The following MAGI2 variants were observed in gnomAD, a reference collection of about 807,000 sequenced individuals.
MAGI2 encodes membrane-associated guanylate kinase, WW and PDZ domain-containing protein 2.
A neutral mutation model predicts 133.3 loss-of-function variants in MAGI2; 35 were observed. The ratio of observed to expected loss-of-function variants is 0.26; its 90% CI spans 0.20 to 0.35. The LOEUF (loss-of-function observed/expected upper bound fraction) is 0.35. Ranked by LOEUF, MAGI2 falls within the 10% of genes least tolerant of loss-of-function variation. MAGI2 has a pLI of 1.00. For synonymous variants in MAGI2, 729 were observed against 710.6 expected (o/e 1.03, Z -0.41); for missense variants, 1,636 against 1,863.4 (o/e 0.88, Z 2.25).
At position 79,453,400 on chromosome 7, in the gene MAGI2, C is replaced by G; in HGVS notation, c.-80G>C. 1 of 1,516,364 alleles carries G rather than the reference C, an allele frequency of 6.6e-7. No homozygotes were observed. Among genetic ancestry groups the G allele is most frequent in the Non-Finnish European group, 8.8e-7 (1 of 1,137,418 alleles). 93.9% of individuals were successfully genotyped at this position (1,516,364 alleles called of 1,614,324 possible). ...TGGTGAGAGAATGAGGATGGAGGAGCAAGGGGGCCCAGGGGGAAGAACAGC... is the reference window on the plus strand; with the variant it reads ...TGGTGAGAGAATGAGGATGGAGGAGGAAGGGGGCCCAGGGGGAAGAACAGC... On this transcript the variant is annotated 5_prime_UTR_variant, in exon 1 of 22. Transcript: ENST00000354212.
intron 6 of MAGI2, among the ~76,000 whole-genome samples, chr7:78,424,068 G>A (rs1233549089): frequency 6.6e-6 from 1 of 152,196 alleles, no homozygotes; most frequent in East Asian, 1.9e-4. Context: ...GCATGTCAGA[G>A]GTCTTCATGG....
chr7:79,365,020 A>T (rs1609279), intron 1 of MAGI2, among the ~76,000 whole-genome samples: 22,086 of 152,066 alleles, frequency 0.15, 1,703 homozygotes, highest in South Asian at 0.25. Context: ...GAGTAGGAAA[A>T]AAAAAACCTC....
chr7:79,390,966 T>C (rs963681653), intron 1 of MAGI2, among the ~76,000 whole-genome samples: 2 of 152,172 alleles, frequency 1.3e-5, no homozygotes, highest in Non-Finnish European at 2.9e-5. Flanking sequence ...GCCCAATTCA[T>C]AGTATCCTAA....
At chr7:78,335,287 A>G (rs1247726868) in intron 9 of MAGI2, among the ~76,000 whole-genome samples, 1 of 152,192 alleles carries the variant, frequency 6.6e-6, no homozygotes, top group Non-Finnish European at 1.5e-5. Context: ...AGTACATGGA[A>G]GATCGGCTTG....
intron 2 of MAGI2, among the ~76,000 whole-genome samples, chr7:78,642,182 T>C (rs1439204482): frequency 6.6e-6 from 1 of 152,212 alleles, no homozygotes; most frequent in Non-Finnish European, 1.5e-5. Flanking sequence ...AAGTTACTTA[T>C]CATTTATTGG....
At chr7:78,178,620 C>T (rs141426016) in intron 13 of MAGI2, among the ~76,000 whole-genome samples, 11 of 151,264 alleles carry the variant, frequency 7.3e-5, no homozygotes, top group East Asian at 1.9e-4. Context: ...AGGGTATAAA[C>T]GTATGCCCAA....
intron 16 of MAGI2, among the ~76,000 whole-genome samples, chr7:78,141,975 T>C (rs1427770140): frequency 2.0e-5 from 3 of 152,228 alleles, no homozygotes; most frequent in Admixed American, 2.0e-4. Flanking sequence ...AGCTAAGTAC[T>C]GAGAGTAAAT....
intron 1 of MAGI2, among the ~76,000 whole-genome samples, chr7:79,292,148 A>G (rs1232322485): frequency 1.3e-5 from 2 of 152,234 alleles, no homozygotes; most frequent in South Asian, 4.1e-4. Context: ...TTTCAGTACC[A>G]TTTTTTGAAA....
At chr7:79,320,903 T>G (rs928489169) in intron 1 of MAGI2, among the ~76,000 whole-genome samples, 2 of 152,112 alleles carry the variant, frequency 1.3e-5, no homozygotes, top group Non-Finnish European at 2.9e-5. Context: ...AATTCTTTCT[T>G]GTGGGTTTCA....
intron 2 of MAGI2, among the ~76,000 whole-genome samples, chr7:78,682,826 T>C (rs527788200): frequency 1.3e-5 from 2 of 152,292 alleles, no homozygotes; most frequent in Admixed American, 6.5e-5. Context: ...TGATGAACTC[T>C]TAAGGGTAAC....
At chr7:79,441,704 A>C (rs1371052708) in intron 1 of MAGI2, among the ~76,000 whole-genome samples, 2 of 152,076 alleles carry the variant, frequency 1.3e-5, no homozygotes, top group Non-Finnish European at 2.9e-5. Flanking sequence ...TTTATGGCAA[A>C]AACTTGTGGG....
intron 6 of MAGI2, among the ~76,000 whole-genome samples, chr7:78,466,706 G>A (rs570476014): frequency 1.3e-5 from 2 of 152,146 alleles, no homozygotes; most frequent in South Asian, 2.1e-4. Flanking sequence ...GGCATACTAC[G>A]TGGTGGGGTG....
chr7:79,313,080 CT>C (rs2129560825), intron 1 of MAGI2, among the ~76,000 whole-genome samples: 1 of 152,286 alleles, frequency 6.6e-6, no homozygotes, highest in African/African-American at 2.4e-5. Flanking sequence ...AGACTTCCTC[CT>C]TTTCCCTCTC....
At chr7:78,694,287 C>A (rs958334281) in intron 2 of MAGI2, among the ~76,000 whole-genome samples, 1 of 152,162 alleles carries the variant, frequency 6.6e-6, no homozygotes, top group African/African-American at 2.4e-5. Context: ...CCAAATTATA[C>A]ACCTACACAC....
chr7:78,897,123 C>T (rs17151631), intron 2 of MAGI2, among the ~76,000 whole-genome samples: 1 of 152,168 alleles, frequency 6.6e-6, no homozygotes, highest in Non-Finnish European at 1.5e-5. Context: ...TTTAATGGAA[C>T]TCTCTAGTTT....
At position 79,355,925 on chromosome 7, in the gene MAGI2, A is replaced by G. The variant is rs148381431; in HGVS notation, c.301+97095T>C. Reference sequence around the variant, plus strand: ...TTTTCTGCCTTTTGTAGGTAAAATGATGTCTTTATGTATAATCATGCCATA... The same window carrying G: ...TTTTCTGCCTTTTGTAGGTAAAATGGTGTCTTTATGTATAATCATGCCATA... On this transcript the variant is annotated intron_variant, in intron 1 of 21. Coordinates refer to ENST00000354212, the MANE Select transcript of MAGI2 (RefSeq NM_012301.4). Among the ~76,000 whole-genome samples the G allele has an allele frequency of 4.5e-4, 69 of 152,326 alleles. No individual in the cohort carries two copies. In the East Asian group the frequency reaches 0.013, roughly 28 times the overall value.
At chr7:78,993,898 T>A (rs2116365315) in intron 2 of MAGI2, among the ~76,000 whole-genome samples, 1 of 152,184 alleles carries the variant, frequency 6.6e-6, no homozygotes, top group South Asian at 2.1e-4. Flanking sequence ...GCACGCTCAA[T>A]GAATGGCTCC....
At chr7:78,474,435 A>C (rs1340582906) in intron 6 of MAGI2, among the ~76,000 whole-genome samples, 1 of 152,058 alleles carries the variant, frequency 6.6e-6, no homozygotes, top group Non-Finnish European at 1.5e-5. Flanking sequence ...ATGCTGCACA[A>C]AGAGCTAATA....
chr7:78,198,225 T>C (rs1828904790), intron 11 of MAGI2, among the ~76,000 whole-genome samples: 1 of 152,200 alleles, frequency 6.6e-6, no homozygotes. Context: ...CCAATGTTTA[T>C]AAACATCTCA....
Sources: gnomAD v4.1 joint callset for allele counts (sites outside exome capture counted in the v4.1 genomes callset) on GRCh38, gnomAD v4.1.1 for gene constraint, MANE v1.5 for transcripts, NCBI Gene and HGNC (gene_info 2026-07-23, HGNC 2026-07-21) for gene names.